Variants in ABCA13 observed in about 807,000 individuals in gnomAD.
ABCA13 encodes the protein ATP-binding cassette sub-family A member 13.
In ABCA13, 476 loss-of-function variants were observed where a neutral mutation model predicts 478.7. That is an observed-to-expected ratio of 0.99 (90% CI 0.92 to 1.07). ABCA13 has a LOEUF of 1.07. ABCA13 is among the 50% of genes least tolerant of loss of function. The pLI is 0.00. For missense variants in ABCA13, 6,060 were observed against 5,910.6 expected (o/e 1.03, Z -0.83); for synonymous variants, 2,252 against 2,158.9 (o/e 1.04, Z -1.20).
At chr7:48,314,523 GA>G (rs1802262702) in intron 26 of ABCA13, 114 bp downstream of exon 26, 1 of 992,672 alleles carries the variant, frequency 1.0e-6, no homozygotes, top group East Asian at 2.8e-5. Flanking sequence ...TACTGGCATA[GA>G]ATCTTCTGCT....
intron 31 of ABCA13, among the ~76,000 whole-genome samples, chr7:48,361,811 T>C (rs913013653): frequency 7.2e-5 from 11 of 151,880 alleles, no homozygotes; most frequent in Non-Finnish European, 1.6e-4. Flanking sequence ...AAAGCTTCTT[T>C]TAATTTCCAG....
intron 35 of ABCA13, among the ~76,000 whole-genome samples, chr7:48,380,513 G>A (rs11535353): frequency 0.02 from 3,069 of 152,256 alleles, 67 homozygotes; most frequent in South Asian, 0.11. Context: ...GAAACTGCAC[G>A]GAAACTTTGA....
chr7:48,194,616 A>T (rs1797681857), intron 2 of ABCA13, among the ~76,000 whole-genome samples: 1 of 152,166 alleles, frequency 6.6e-6, no homozygotes, highest in South Asian at 2.1e-4. Context: ...ATACCACTTA[A>T]ATATGTATAA....
intron 19 of ABCA13, among the ~76,000 whole-genome samples, chr7:48,281,768 T>C (rs891025299): frequency 6.6e-6 from 1 of 152,182 alleles, no homozygotes; most frequent in Non-Finnish European, 1.5e-5. Context: ...GAGCTGGGGG[T>C]GTCTTGTCCA....
At chr7:48,426,238 G>A (rs910652339) in intron 41 of ABCA13, among the ~76,000 whole-genome samples, 2 of 152,216 alleles carry the variant, frequency 1.3e-5, no homozygotes, top group Non-Finnish European at 2.9e-5. Flanking sequence ...TCTTTCACAT[G>A]AAGGTAGCTG....
In ABCA13 at chr7:48,273,044, A is replaced by C; in HGVS notation, c.3378A>C (p.Gln1126His). The C allele has an allele frequency of 1.9e-6, 3 of 1,613,604 alleles. No homozygotes were observed. Among genetic ancestry groups the C allele is most frequent in the Non-Finnish European group, 2.5e-6 (3 of 1,179,726 alleles). ...CTTCATTTGTTTTTCCATTGGCACA[A>C]ATTTTTTCAAACCTCTCAGCAAATG... The part of the protein sequence containing the change: ...EESSFVFPLA[Q>H]IFSNLSANVS... The change falls in exon 17 of 62, where the codon CAA (glutamine) becomes CAC (histidine). Residue 1126 changes from glutamine to histidine, a missense_variant. Gln to His is a conservative substitution (Grantham distance 24). Transcript: ENST00000435803.
At chr7:48,415,188 G>A (rs539483147) in intron 41 of ABCA13, among the ~76,000 whole-genome samples, 2 of 152,282 alleles carry the variant, frequency 1.3e-5, no homozygotes, top group East Asian at 3.9e-4. Flanking sequence ...TATTATATTG[G>A]AAGCTAATCA....
intron 43 of ABCA13, among the ~76,000 whole-genome samples, chr7:48,457,091 C>A (rs1382731488): frequency 1.3e-5 from 2 of 151,974 alleles, no homozygotes; most frequent in Non-Finnish European, 2.9e-5. Flanking sequence ...TAGAACAAAC[C>A]AAAACCCCTA....
At chr7:48,440,069 T>G (rs1271759883) in intron 42 of ABCA13, among the ~76,000 whole-genome samples, 1 of 152,184 alleles carries the variant, frequency 6.6e-6, no homozygotes, top group East Asian at 1.9e-4. Context: ...TTCCTTACCT[T>G]TACATATAAA....
In ABCA13 at chr7:48,282,680, G is replaced by A. The variant is rs560661175; in HGVS notation, c.8836+1228G>A. 1.8e-4 allele frequency among the ~76,000 whole-genome samples: 27 copies of A among 152,106 alleles called. No homozygotes were observed. In the South Asian group the frequency reaches 2.9e-3, roughly 16 times the overall value. On this transcript the variant is annotated intron_variant, in intron 19 of 61. Coordinates refer to ENST00000435803, the MANE Select transcript of ABCA13 (RefSeq NM_152701.5). Reference sequence around the variant, plus strand: ...ACTCCTGGATCATTATTATTATTTCGATTACTATCAGGTTGTTATATTATG... The same window carrying A: ...ACTCCTGGATCATTATTATTATTTCAATTACTATCAGGTTGTTATATTATG...
At chr7:48,539,078 T>G (rs1471193338) in intron 55 of ABCA13, among the ~76,000 whole-genome samples, 1 of 152,154 alleles carries the variant, frequency 6.6e-6, no homozygotes, top group Non-Finnish European at 1.5e-5. Context: ...TTCTCTTTCA[T>G]CAAGAGGCAC....
rs10265163 is a variant in ABCA13 at position 48,646,092 on chromosome 7, A to G, written c.*580A>G. 0.92 allele frequency: 139,949 copies of G among 152,216 alleles called. 64,524 individuals carry two copies. The highest frequency in any genetic ancestry group is 1 in the East Asian group (5,175 of 5,176). The allele number at this position is 152,216 out of a possible 1,614,324, so 9.4% of individuals were successfully genotyped here. On this transcript the variant is annotated 3_prime_UTR_variant, in exon 62 of 62. Coordinates refer to ENST00000435803, the MANE Select transcript of ABCA13 (RefSeq NM_152701.5). ...CACCAATTTTTTACATATAAAAGAT[A>G]CCTTTTTAAAAAAATAGGTTTTAAG...
chr7:48,434,201 C>T (rs749928385), intron 42 of ABCA13, among the ~76,000 whole-genome samples: 34 of 151,974 alleles, frequency 2.2e-4, no homozygotes, highest in Non-Finnish European at 4.0e-4. Context: ...AAATAATAAT[C>T]ATCCTAATGG....
intron 3 of ABCA13, among the ~76,000 whole-genome samples, chr7:48,217,598 G>C (rs538988045): frequency 6.6e-6 from 1 of 152,170 alleles, no homozygotes; most frequent in Non-Finnish European, 1.5e-5. Flanking sequence ...TGACTCCAAG[G>C]GAGCTCTCAT....
intron 42 of ABCA13, among the ~76,000 whole-genome samples, chr7:48,445,506 A>T (rs2129174294): frequency 6.6e-6 from 1 of 152,116 alleles, no homozygotes; most frequent in African/African-American, 2.4e-5. Context: ...TTGCCCCCAG[A>T]ATCTTTACAA....
chr7:48,284,759 T>C (rs1386131337), intron 19 of ABCA13, among the ~76,000 whole-genome samples: 1 of 152,172 alleles, frequency 6.6e-6, no homozygotes, highest in Non-Finnish European at 1.5e-5. Context: ...AACTCAAGCA[T>C]AACTAACATT....
intron 15 of ABCA13, 139 bp from the exon 16 acceptor site, chr7:48,268,841 C>T: frequency 1.8e-6 from 1 of 548,146 alleles, no homozygotes; most frequent in Non-Finnish European, 3.2e-6. Flanking sequence ...TTAGAAGATT[C>T]CTACTCATCT....
chr7:48,177,618 G>A (rs1339559227), intron 1 of ABCA13, among the ~76,000 whole-genome samples: 2 of 152,190 alleles, frequency 1.3e-5, no homozygotes, highest in Non-Finnish European at 2.9e-5. Context: ...GCACTTACAC[G>A]GAGGTGACAC....
chr7:48,315,565 C>T lies in ABCA13; in HGVS notation c.9859+1156C>T, dbSNP rs931248831. Among the ~76,000 whole-genome samples, 8 of 151,860 alleles carry T rather than the reference C, an allele frequency of 5.3e-5. No individual in the cohort carries two copies. In the South Asian group the frequency reaches 8.3e-4, roughly 16 times the overall value. On this transcript the variant is annotated intron_variant, in intron 26 of 61. Transcript: ENST00000435803. ...CTTGATCTCGGCTCACCACAAGCTC[C>T]GCCTCCCAGGTTCACGCCATTCTCC...
Sources: allele counts gnomAD v4.1 joint callset (sites outside exome capture counted in the v4.1 genomes callset), GRCh38; gene constraint gnomAD v4.1.1; transcripts MANE v1.5; gene names NCBI Gene and HGNC (gene_info 2026-07-23, HGNC 2026-07-21).